The following AHI1 variants were observed in gnomAD, a reference collection of about 807,000 sequenced individuals.
The protein encoded by AHI1 is jouberin.
Under a neutral mutation model 149.3 loss-of-function variants are expected in AHI1, and 123 were observed. The observed-to-expected ratio is 0.82, with a 90% CI of 0.71 to 0.96. The LOEUF is 0.96. Ranked by LOEUF, AHI1 falls within the 40% of genes least tolerant of loss-of-function variation. The pLI, the probability that AHI1 is intolerant of heterozygous loss-of-function variation, is 0.00. For synonymous variants in AHI1, 475 were observed against 459.8 expected (o/e 1.03, Z -0.42); for missense variants, 1,439 against 1,422.7 (o/e 1.01, Z -0.18).
intron 20 of AHI1, among the ~76,000 whole-genome samples, chr6:135,412,981 C>G (rs1375084961): frequency 1.3e-5 from 2 of 152,106 alleles, no homozygotes; most frequent in South Asian, 2.1e-4. Flanking sequence ...TGTCAACATT[C>G]TTATGGACCA....
intron 28 of AHI1, among the ~76,000 whole-genome samples, chr6:135,285,981 G>A (rs1373315734): frequency 1.3e-5 from 2 of 152,158 alleles, no homozygotes; most frequent in African/African-American, 4.8e-5. Flanking sequence ...TGAAGAGCAG[G>A]CAATCAGAGT....
intron 23 of AHI1, among the ~76,000 whole-genome samples, chr6:135,376,858 G>A (rs1271890348): frequency 8.0e-5 from 9 of 112,146 alleles, no homozygotes; most frequent in East Asian, 3.0e-4. Context: ...ATCCAGCCTC[G>A]GTGACAGAGC....
intron 20 of AHI1, among the ~76,000 whole-genome samples, chr6:135,425,996 A>G (rs1396691494): frequency 6.6e-6 from 1 of 151,872 alleles, no homozygotes; most frequent in African/African-American, 2.4e-5. Flanking sequence ...TGTGCTGCCT[A>G]TTTCCTGTAT....
chr6:135,482,893 G>GTTTTTT (rs1491384083), intron 5 of AHI1, among the ~76,000 whole-genome samples: 1 of 5,790 alleles, frequency 1.7e-4, no homozygotes, highest in African/African-American at 7.0e-4. Flanking sequence ...TCCATTTAAG[G>GTTTTTT]CTTTTTTTTT....
intron 11 of AHI1, among the ~76,000 whole-genome samples, chr6:135,449,264 G>A (rs1423825569): frequency 6.6e-6 from 1 of 152,062 alleles, no homozygotes; most frequent in African/African-American, 2.4e-5. Flanking sequence ...TGGTCAGGCT[G>A]GTCTTGAACT....
At chr6:135,301,900 A>G (rs1419510900) in intron 26 of AHI1, 1 of 985,438 alleles carries the variant, frequency 1.0e-6, no homozygotes, top group East Asian at 1.1e-4. Flanking sequence ...AAACCTCAGA[A>G]AGCACCATCA....
At chr6:135,362,731 G>A (rs992569437) in intron 23 of AHI1, among the ~76,000 whole-genome samples, 2 of 151,712 alleles carry the variant, frequency 1.3e-5, no homozygotes, top group Non-Finnish European at 2.9e-5. Context: ...TTTTCTTGCT[G>A]ATTTGTTTGA....
At chr6:135,372,152 T>G (rs564777019) in intron 23 of AHI1, among the ~76,000 whole-genome samples, 1 of 152,330 alleles carries the variant, frequency 6.6e-6, no homozygotes, top group South Asian at 2.1e-4. Context: ...CTTACTCCTG[T>G]GCCCCAGCAG....
intron 13 of AHI1, among the ~76,000 whole-genome samples, chr6:135,445,984 A>G (rs1787143633): frequency 2.0e-5 from 3 of 151,786 alleles, no homozygotes; most frequent in Admixed American, 2.0e-4. Context: ...TGAACCCGGG[A>G]GGTGGAGCTT....
At chr6:135,348,856 TGTTAGACACA>T (rs1446005085) in intron 24 of AHI1, among the ~76,000 whole-genome samples, 5 of 152,218 alleles carry the variant, frequency 3.3e-5, no homozygotes, top group South Asian at 2.1e-4. Context: ...GATTACTGTG[TGTTAGACACA>T]GTATTTAGTA....
chr6:135,331,895 GA>G (rs1176617160), intron 24 of AHI1, among the ~76,000 whole-genome samples: 1 of 152,082 alleles, frequency 6.6e-6, no homozygotes, highest in Non-Finnish European at 1.5e-5. Context: ...AACTGTGAAT[GA>G]ATAAATGTCT....
intron 24 of AHI1, among the ~76,000 whole-genome samples, chr6:135,329,244 G>A (rs1055620834): frequency 1.3e-5 from 2 of 152,188 alleles, no homozygotes; most frequent in African/African-American, 4.8e-5. Flanking sequence ...GGAAGAAGAT[G>A]CCGTCTATGA....
At chr6:135,470,798 G>C (rs1791565370) in intron 5 of AHI1, among the ~76,000 whole-genome samples, 1 of 151,932 alleles carries the variant, frequency 6.6e-6, no homozygotes. Context: ...GGAGTTTGGG[G>C]GAGGGAGAGC....
intron 3 of AHI1, among the ~76,000 whole-genome samples, chr6:135,494,108 A>G (rs1795639905): frequency 1.3e-5 from 2 of 152,246 alleles, no homozygotes; most frequent in African/African-American, 4.8e-5. Context: ...CTAGAACTAG[A>G]ATAAGTAGAT....
chr6:135,435,535 G>A (rs979489838), intron 15 of AHI1, among the ~76,000 whole-genome samples: 3 of 152,106 alleles, frequency 2.0e-5, no homozygotes, highest in African/African-American at 7.2e-5. Flanking sequence ...AAGATGCTAG[G>A]GTGTTTCAAA....
At chr6:135,364,764 C>A (rs546286601) in intron 23 of AHI1, among the ~76,000 whole-genome samples, 4 of 152,258 alleles carry the variant, frequency 2.6e-5, no homozygotes, top group Non-Finnish European at 5.9e-5. Context: ...TGGCGGCGCA[C>A]GCCTGCAATC....
chr6:135,347,864 G>A (rs989536495), intron 24 of AHI1, among the ~76,000 whole-genome samples: 7 of 152,334 alleles, frequency 4.6e-5, no homozygotes, highest in African/African-American at 7.2e-5. Context: ...TACTCCCAGA[G>A]AAGTCTGCAT....
chr6:135,456,496 GATTGCACC>G (rs1014107702), intron 9 of AHI1, among the ~76,000 whole-genome samples: 1 of 150,034 alleles, frequency 6.7e-6, no homozygotes, highest in African/African-American at 2.5e-5. Flanking sequence ...AGTAAGCTGT[GATTGCACC>G]ACTGCACTCC....
At chr6:135,294,206 A>G (rs1935452166) in intron 27 of AHI1, among the ~76,000 whole-genome samples, 1 of 152,024 alleles carries the variant, frequency 6.6e-6, no homozygotes, top group Non-Finnish European at 1.5e-5. Flanking sequence ...TGCACCTGTA[A>G]TCCCAGCTAC....
Sources: gnomAD v4.1 joint callset for allele counts (sites outside exome capture counted in the v4.1 genomes callset) on GRCh38, gnomAD v4.1.1 for gene constraint, MANE v1.5 for transcripts, NCBI Gene and HGNC (gene_info 2026-07-23, HGNC 2026-07-21) for gene names.